Variants in KATNAL1 observed in about 807,000 individuals in gnomAD.
KATNAL1 encodes katanin p60 ATPase-containing subunit A-like 1.
Under a neutral mutation model 55.2 loss-of-function variants are expected in KATNAL1, and 32 were observed. The observed-to-expected ratio is 0.58, with a 90% CI of 0.44 to 0.78. KATNAL1 has a LOEUF of 0.78. KATNAL1 is among the 30% of genes least tolerant of loss of function. The pLI is 0.00. For missense variants in KATNAL1, 466 were observed against 600.9 expected (o/e 0.78, Z 2.35); for synonymous variants, 193 against 193.6 (o/e 1.00, Z 0.02).
At chr13:30,240,864 C>A in intron 5 of KATNAL1, 95 bp downstream of exon 5, 1 of 1,107,314 alleles carries the variant, frequency 9.0e-7, no homozygotes, top group South Asian at 1.5e-5. Context: ...TGGTCATAAT[C>A]AGATTAATGA....
chr13:30,225,204 A>G (rs1190504456), intron 9 of KATNAL1, among the ~76,000 whole-genome samples: 1 of 152,036 alleles, frequency 6.6e-6, no homozygotes, highest in African/African-American at 2.4e-5. Flanking sequence ...CATGGATTCC[A>G]CCCCCACAGG....
At chr13:30,227,302 T>C (rs900686908) in intron 9 of KATNAL1, 110 bp downstream of exon 9, 1 of 1,004,366 alleles carries the variant, frequency 1.0e-6, no homozygotes, top group Admixed American at 2.3e-5. Flanking sequence ...CAAATTAATT[T>C]TGTGATGCTA....
At chr13:30,236,339 G>A (rs888009149) in intron 6 of KATNAL1, among the ~76,000 whole-genome samples, 1 of 152,186 alleles carries the variant, frequency 6.6e-6, no homozygotes, top group Non-Finnish European at 1.5e-5. Context: ...GGAAAACTGT[G>A]CTCTCAACCT....
At position 30,307,511 on chromosome 13, in the gene KATNAL1, C is replaced by G. The variant is rs1051418092; in HGVS notation, c.-195G>C. The G allele has an allele frequency of 2.0e-5, 3 of 152,182 alleles. No individual in the cohort carries two copies. The allele number at this position is 152,182 out of a possible 1,614,324, so 9.4% of individuals were successfully genotyped here. ...GCGGTGGGCGCAGCGCGGGAGGGAG[C>G]GCGGGGGCTGTGAGTCCGCTCTGGG... On this transcript the variant is annotated 5_prime_UTR_variant, in exon 1 of 11. Transcript: ENST00000380615.
In KATNAL1 at chr13:30,203,473, A is replaced by C. The variant is rs1376246738; in HGVS notation, c.*5067T>G. 6.6e-6 allele frequency: 1 copy of C among 152,224 alleles called. No individual in the cohort carries two copies. The highest frequency in any genetic ancestry group is 2.1e-4 in the South Asian group (1 of 4,824). 9.4% of individuals were successfully genotyped at this position (152,224 alleles called of 1,614,324 possible). A position where few individuals can be genotyped will look rare whatever the true frequency, so the allele number is the denominator to read the frequency against. On this transcript the variant is annotated 3_prime_UTR_variant, in exon 11 of 11. Transcript: ENST00000380615. Reference sequence around the variant, plus strand: ...TTGTCATTTCAGATATGGTAAAGTAAAAGTGCATTTTATAGTTTCGAACAA... The same window carrying C: ...TTGTCATTTCAGATATGGTAAAGTACAAGTGCATTTTATAGTTTCGAACAA...
In KATNAL1 at chr13:30,280,226, T is replaced by TA. The variant is rs376904265; in HGVS notation, c.163-4dup. 148,918 of 1,048,384 alleles carry TA rather than the reference T, an allele frequency of 0.14. 120 individuals carry two copies. Among genetic ancestry groups the TA allele is most frequent in the Non-Finnish European group, 0.15 (116,455 of 761,882 alleles). 64.9% of individuals were successfully genotyped at this position (1,048,384 alleles called of 1,614,324 possible). On this transcript the variant is annotated splice_polypyrimidine_tract_variant and splice_region_variant and intron_variant, in intron 2 of 10. Transcript: ENST00000380615. ...TCCTCCAATAATTCCTGCCGAACCT[T>TA]AAAAAAAAAAAATAGGCTTTATGCT...
chr13:30,244,497 C>T (rs1877591499), intron 4 of KATNAL1, among the ~76,000 whole-genome samples: 1 of 152,158 alleles, frequency 6.6e-6, no homozygotes, highest in African/African-American at 2.4e-5. Context: ...TGAGGAATCG[C>T]CACACTGTCT....
At chr13:30,301,446 C>T (rs540920603) in intron 1 of KATNAL1, among the ~76,000 whole-genome samples, 2 of 152,090 alleles carry the variant, frequency 1.3e-5, no homozygotes, top group African/African-American at 2.4e-5. Flanking sequence ...ATAATAGTAG[C>T]GATGTTTATT....
At chr13:30,209,907 G>A (rs185887608) in intron 10 of KATNAL1, among the ~76,000 whole-genome samples, 15 of 151,932 alleles carry the variant, frequency 9.9e-5, no homozygotes, top group Admixed American at 6.5e-4. Flanking sequence ...TCAGCCTCCC[G>A]AGTAGCTGGA....
intron 6 of KATNAL1, among the ~76,000 whole-genome samples, chr13:30,237,030 C>A (rs1009403294): frequency 3.3e-5 from 5 of 152,192 alleles, no homozygotes; most frequent in African/African-American, 1.2e-4. Flanking sequence ...CTCTCTTCTG[C>A]CATAGCAGTG....
At chr13:30,252,319 G>A (rs972990459) in intron 4 of KATNAL1, among the ~76,000 whole-genome samples, 1 of 152,188 alleles carries the variant, frequency 6.6e-6, no homozygotes, top group South Asian at 2.1e-4. Flanking sequence ...ACTAACATTT[G>A]CTACTACTGC....
At chr13:30,239,636 G>C (rs1208783785) in intron 6 of KATNAL1, among the ~76,000 whole-genome samples, 2 of 150,164 alleles carry the variant, frequency 1.3e-5, no homozygotes, top group Non-Finnish European at 3.0e-5. Flanking sequence ...AGCACAGCAA[G>C]GACAAAATAA....
chr13:30,255,000 A>G (rs1199212363), intron 4 of KATNAL1, among the ~76,000 whole-genome samples: 1 of 152,224 alleles, frequency 6.6e-6, no homozygotes, highest in Non-Finnish European at 1.5e-5. Context: ...AAAGAAAAAA[A>G]ATCTTGTTCT....
At chr13:30,287,909 A>G (rs1310405291) in intron 1 of KATNAL1, among the ~76,000 whole-genome samples, 2 of 152,216 alleles carry the variant, frequency 1.3e-5, no homozygotes, top group Non-Finnish European at 2.9e-5. Context: ...AACAAAATGA[A>G]GGATATTATA....
intron 9 of KATNAL1, among the ~76,000 whole-genome samples, chr13:30,223,208 G>A (rs922238623): frequency 6.6e-6 from 1 of 151,452 alleles, no homozygotes; most frequent in Non-Finnish European, 1.5e-5. Context: ...GGGAGGCCAA[G>A]GCGGGCGGAT....
intron 7 of KATNAL1, 133 bp from the exon 8 acceptor site, chr13:30,230,727 G>A (rs1245163969): frequency 9.2e-6 from 6 of 649,498 alleles, no homozygotes; most frequent in African/African-American, 9.2e-5. Context: ...TCTGGTTATG[G>A]CAAAGGCTAA....
At chr13:30,281,353 G>T (rs1316345376) in intron 2 of KATNAL1, among the ~76,000 whole-genome samples, 1 of 152,164 alleles carries the variant, frequency 6.6e-6, no homozygotes, top group South Asian at 2.1e-4. Context: ...ATATGCTATA[G>T]TGGAAGAAAT....
At chr13:30,281,869 T>C (rs1314887992) in intron 2 of KATNAL1, 2 of 152,220 alleles carry the variant, frequency 1.3e-5, no homozygotes, top group African/African-American at 2.4e-5. Flanking sequence ...TCTGTATTTT[T>C]TTTACTTAAC....
rs1235554336 is a variant in KATNAL1 at position 30,204,842 on chromosome 13, G to GGCTA, written c.*3694_*3697dup. The GGCTA allele has an allele frequency of 6.6e-6, 1 of 152,184 alleles. No homozygotes were observed. The highest frequency in any genetic ancestry group is 1.5e-5 in the Non-Finnish European group (1 of 68,032). 9.4% of individuals were successfully genotyped at this position (152,184 alleles called of 1,614,324 possible). On this transcript the variant is annotated 3_prime_UTR_variant, in exon 11 of 11. Coordinates refer to ENST00000380615, the MANE Select transcript of KATNAL1 (RefSeq NM_032116.5). The stretch of plus-strand genomic sequence containing the variant: ...ACCGCATGTTTTCCCCTTCCAAAAT[G>GGCTA]GCTAGGTATTGTGGGAGGTAGTGGT...
Sources: allele counts gnomAD v4.1 joint callset (sites outside exome capture counted in the v4.1 genomes callset), GRCh38; gene constraint gnomAD v4.1.1; transcripts MANE v1.5; gene names NCBI Gene and HGNC (gene_info 2026-07-23, HGNC 2026-07-21).